Variants in RAB3GAP2 observed in about 807,000 individuals in gnomAD.
RAB3GAP2 encodes the protein RAB3 GTPase activating non-catalytic protein subunit 2.
A neutral mutation model predicts 185.3 loss-of-function variants in RAB3GAP2; 87 were observed. The ratio of observed to expected loss-of-function variants is 0.47; its 90% CI spans 0.39 to 0.56. The LOEUF (loss-of-function observed/expected upper bound fraction) is 0.56, where lower values mean the gene tolerates loss of function less well. Among genes scored for constraint, RAB3GAP2 ranks in the 20% least tolerant of loss-of-function variants. The probability of loss-of-function intolerance (pLI) is 0.00; values close to 1 mark genes in which losing one functional copy is unlikely to be tolerated. For synonymous variants in RAB3GAP2, 554 were observed against 576.1 expected, an observed-to-expected ratio of 0.96 and a Z score of 0.55; for missense variants, 1,492 against 1,638.2, an observed-to-expected ratio of 0.91 and a Z score of 1.54.
chr1:220,153,899 C>A (rs1235972203), intron 32 of RAB3GAP2, 69 bp downstream of exon 32: 1 of 1,598,664 alleles, frequency 6.3e-7, no homozygotes, highest in African/African-American at 1.3e-5. Flanking sequence ...TTTTCAAAAG[C>A]CAGCTAGATT....
chr1:220,191,472 T>C (rs112069706), intron 13 of RAB3GAP2, among the ~76,000 whole-genome samples, 188 bp from the exon 14 acceptor site: 1 of 152,184 alleles, frequency 6.6e-6, no homozygotes, highest in Non-Finnish European at 1.5e-5. Flanking sequence ...CACCCAGCCT[T>C]ATCAAATCTT....
At chr1:220,243,150 C>G (rs541050570) in intron 1 of RAB3GAP2, among the ~76,000 whole-genome samples, 2 of 152,036 alleles carry the variant, frequency 1.3e-5, no homozygotes, top group Non-Finnish European at 2.9e-5. Flanking sequence ...GTCAGGAGAT[C>G]GAGACCATCC....
chr1:220,261,296 C>A (rs1298099264), intron 1 of RAB3GAP2, among the ~76,000 whole-genome samples: 3 of 152,218 alleles, frequency 2.0e-5, no homozygotes, highest in Non-Finnish European at 4.4e-5. Context: ...CAACAACTTA[C>A]TCTTCATTCA....
In RAB3GAP2 at chr1:220,272,231, C is replaced by A. The variant is rs563769606; in HGVS notation, c.107G>T (p.Arg36Met). The A allele has an allele frequency of 2.5e-6, 4 of 1,606,164 alleles. No homozygotes were observed. In the South Asian group the frequency reaches 4.5e-5, roughly 18 times the overall value. Residue 36 changes from arginine to methionine, a missense_variant, in exon 1 of 35, where the codon AGG becomes ATG. Physicochemically the swap from Arg to Met is moderately conservative, Grantham distance 91. Coordinates refer to ENST00000358951, the MANE Select transcript of RAB3GAP2 (RefSeq NM_012414.4). ...GCCAGAGAGGCACTTACTGGGGTCC[C>A]TCCGCAAGGCGCCGCTGAGGATCTC... ...REEILSGALR[R>M]DPSKSTDWED...
At chr1:220,173,791 C>G (rs555740532) in intron 21 of RAB3GAP2, among the ~76,000 whole-genome samples, 19 of 152,136 alleles carry the variant, frequency 1.2e-4, no homozygotes, top group African/African-American at 4.6e-4. Flanking sequence ...GAGGCCGAGG[C>G]GGGCGGATCA....
intron 21 of RAB3GAP2, among the ~76,000 whole-genome samples, chr1:220,179,244 C>CAAAAAAAAAAAAAA (rs71169437): frequency 3.0e-4 from 17 of 56,768 alleles, no homozygotes; most frequent in East Asian, 9.4e-4. Flanking sequence ...GAGACTGTCT[C>CAAAAAAAAAAAAAA]AAAAAAAAAA....
chr1:220,211,350 ATCTC>A (rs370425339), intron 4 of RAB3GAP2: 9 of 482,904 alleles, frequency 1.9e-5, no homozygotes, highest in Non-Finnish European at 3.7e-5. Context: ...ATTTCCTACT[ATCTC>A]TCTCTCTCTC....
At chr1:220,265,758 C>T (rs957422967) in intron 1 of RAB3GAP2, among the ~76,000 whole-genome samples, 1 of 151,972 alleles carries the variant, frequency 6.6e-6, no homozygotes, top group Non-Finnish European at 1.5e-5. Context: ...GACCCTATCT[C>T]AACAAAAACC....
intron 1 of RAB3GAP2, among the ~76,000 whole-genome samples, chr1:220,238,657 A>G (rs1659638134): frequency 6.6e-6 from 1 of 152,144 alleles, no homozygotes; most frequent in Non-Finnish European, 1.5e-5. Context: ...GCCTTTGCCT[A>G]TCCTACACCC....
At chr1:220,193,869 G>T (rs999023668) in intron 12 of RAB3GAP2, among the ~76,000 whole-genome samples, 5 of 152,154 alleles carry the variant, frequency 3.3e-5, no homozygotes, top group Admixed American at 2.0e-4. Flanking sequence ...AACCTCATTA[G>T]AATTGTGAGT....
chr1:220,238,405 G>A (rs1571922130), intron 1 of RAB3GAP2, among the ~76,000 whole-genome samples: 1 of 152,156 alleles, frequency 6.6e-6, no homozygotes, highest in Non-Finnish European at 1.5e-5. Flanking sequence ...TGAGTTGTCA[G>A]GTTGCACTGG....
intron 1 of RAB3GAP2, among the ~76,000 whole-genome samples, chr1:220,265,163 A>G (rs79033940): frequency 0.069 from 10,490 of 152,134 alleles, 505 homozygotes; most frequent in South Asian, 0.12. Flanking sequence ...CAAACTAGAG[A>G]AAATATTTTA....
chr1:220,190,172 T>C, intron 15 of RAB3GAP2, 26 bp from the exon 16 acceptor site: 1 of 1,581,048 alleles, frequency 6.3e-7, no homozygotes, highest in African/African-American at 1.3e-5. Flanking sequence ...TAACAAATTA[T>C]TACAGAATGT....
chr1:220,194,559 A>G (rs1658688371), intron 12 of RAB3GAP2, among the ~76,000 whole-genome samples: 1 of 152,008 alleles, frequency 6.6e-6, no homozygotes, highest in Non-Finnish European at 1.5e-5. Context: ...TGCCTGACTA[A>G]TTTTTGTATT....
At position 220,254,349 on chromosome 1, in the gene RAB3GAP2, G is replaced by A. The variant is rs770980487; in HGVS notation, c.115+17874C>T. ...CACCCATGTCCCAGGTGTATGGAGC[G>A]CCACATCTCCTGAGATTATTTGTAC... On this transcript the variant is annotated intron_variant, in intron 1 of 34. Transcript: ENST00000358951. 5.0e-5 allele frequency: 81 copies of A among 1,613,262 alleles called. 1 individual carries two copies. Among genetic ancestry groups the A allele is most frequent in the Non-Finnish European group, 5.9e-5 (69 of 1,179,360 alleles).
chr1:220,172,679 A>G lies in RAB3GAP2; in HGVS notation c.2374T>C (p.Cys792Arg). Reference sequence around the variant, plus strand: ...AGGGACAGCATGGTATGAAGACAGCAGATTGACTGTGGTTTATCCAAAATA... The same window carrying G: ...AGGGACAGCATGGTATGAAGACAGCGGATTGACTGTGGTTTATCCAAAATA... ...KDILDKPQSICCLHTMLSLLS... is the reference protein window; with the variant it reads ...KDILDKPQSIRCLHTMLSLLS... The change falls in exon 22 of 35, where the codon TGC (cysteine) becomes CGC (arginine). Residue 792 changes from cysteine to arginine, a missense_variant. Cys to Arg is a radical substitution (Grantham distance 180). Transcript: ENST00000358951. 1 of 1,613,378 alleles carries G rather than the reference A, an allele frequency of 6.2e-7. No homozygotes were observed. The highest frequency in any genetic ancestry group is 1.1e-5 in the South Asian group (1 of 91,056).
chr1:220,243,212 G>A (rs998828354), intron 1 of RAB3GAP2, among the ~76,000 whole-genome samples: 3 of 152,010 alleles, frequency 2.0e-5, no homozygotes, highest in African/African-American at 7.2e-5. Context: ...AAATTAGCCG[G>A]GTGTGGTGGC....
chr1:220,150,477 A>C lies in RAB3GAP2; in HGVS notation c.*774T>G, dbSNP rs1304977491. ...TTTTTTTTTTTTTTTTTTTTACATA[A>C]GTTTTACAAGATAATACATTTTTAC... On this transcript the variant is annotated 3_prime_UTR_variant, in exon 35 of 35. Transcript: ENST00000358951. 6.8e-6 allele frequency: 1 copy of C among 146,854 alleles called. No individual in the cohort carries two copies. Among genetic ancestry groups the C allele is most frequent in the Non-Finnish European group, 1.5e-5 (1 of 67,022 alleles). 9.1% of individuals were successfully genotyped at this position (146,854 alleles called of 1,614,324 possible).
At chr1:220,190,938 A>T in intron 14 of RAB3GAP2, 130 bp downstream of exon 14, 1 of 943,894 alleles carries the variant, frequency 1.1e-6, no homozygotes, top group Non-Finnish European at 1.7e-6. Flanking sequence ...TCACAGGAAA[A>T]ACCACAATAA....
Sources: gnomAD v4.1 joint callset for allele counts (sites outside exome capture counted in the v4.1 genomes callset) on GRCh38, gnomAD v4.1.1 for gene constraint, MANE v1.5 for transcripts, NCBI Gene and HGNC (gene_info 2026-07-23, HGNC 2026-07-21) for gene names.